The following MAPK14 variants were observed in gnomAD, a reference collection of about 807,000 sequenced individuals.
MAPK14 encodes the protein mitogen-activated protein kinase 14.
Under a neutral mutation model 49.6 loss-of-function variants are expected in MAPK14, and 16 were observed. The ratio of observed to expected loss-of-function variants is 0.32; its 90% CI spans 0.22 to 0.49. The LOEUF (loss-of-function observed/expected upper bound fraction) is 0.49. MAPK14 is among the 20% of genes least tolerant of loss of function. The probability of loss-of-function intolerance (pLI) is 0.99; values close to 1 mark genes in which losing one functional copy is unlikely to be tolerated. For synonymous variants in MAPK14, 142 were observed against 158.0 expected, an observed-to-expected ratio of 0.90 and a Z score of 0.76; for missense variants, 200 against 441.2, an observed-to-expected ratio of 0.45 and a Z score of 4.90.
intron 8 of MAPK14, among the ~76,000 whole-genome samples, chr6:36,079,999 AGT>A (rs1764688617): frequency 6.6e-6 from 1 of 151,802 alleles, no homozygotes; most frequent in African/African-American, 2.4e-5. Flanking sequence ...GCTGGAGTGC[AGT>A]GGCATGATCT....
intron 8 of MAPK14, among the ~76,000 whole-genome samples, chr6:36,090,438 A>G (rs1765175148): frequency 6.7e-6 from 1 of 149,086 alleles, no homozygotes; most frequent in African/African-American, 2.5e-5. Flanking sequence ...AGAACTCCAG[A>G]CCTCAAGTGA....
intron 8 of MAPK14, among the ~76,000 whole-genome samples, chr6:36,082,521 T>A (rs2127452730): frequency 6.6e-6 from 1 of 152,366 alleles, no homozygotes; most frequent in Non-Finnish European, 1.5e-5. Flanking sequence ...TGCCAGCATC[T>A]GTTTCTGGTC....
chr6:36,040,207 G>A (rs1035953239), intron 1 of MAPK14, among the ~76,000 whole-genome samples: 4 of 152,060 alleles, frequency 2.6e-5, no homozygotes, highest in African/African-American at 9.7e-5. Flanking sequence ...ACTGACCTGT[G>A]CAGTGTAGTA....
intron 1 of MAPK14, among the ~76,000 whole-genome samples, chr6:36,049,501 T>A (rs1485848389): frequency 6.6e-6 from 1 of 152,210 alleles, no homozygotes; most frequent in Non-Finnish European, 1.5e-5. Context: ...ATACAGATTA[T>A]TAGACCCACT....
intron 2 of MAPK14, 26 bp from the exon 3 acceptor site, chr6:36,059,262 CT>C: frequency 6.9e-7 from 1 of 1,455,350 alleles, no homozygotes; most frequent in Non-Finnish European, 9.6e-7. Flanking sequence ...TATTTATTTA[CT>C]TTTTAATTTT....
intron 2 of MAPK14, among the ~76,000 whole-genome samples, chr6:36,054,744 C>G (rs1763529571): frequency 6.6e-6 from 1 of 152,130 alleles, no homozygotes; most frequent in Non-Finnish European, 1.5e-5. Flanking sequence ...ACCAAAACTT[C>G]CGGTAAGTTT....
chr6:36,105,565 A>G (rs913782014), intron 10 of MAPK14, among the ~76,000 whole-genome samples: 5 of 152,224 alleles, frequency 3.3e-5, no homozygotes, highest in African/African-American at 1.2e-4. Context: ...AGAGAAGACC[A>G]TCAGAAGAAT....
chr6:36,097,428 CT>C (rs1424807875), intron 9 of MAPK14: 6 of 152,006 alleles, frequency 3.9e-5, no homozygotes, highest in African/African-American at 1.5e-4. Flanking sequence ...TATGTAGAAG[CT>C]GAATTAGAGT....
chr6:36,124,212 C>T, the MAPK14 span, among the ~76,000 whole-genome samples: 2 of 138,916 alleles, frequency 1.4e-5, no homozygotes, highest in Non-Finnish European at 3.1e-5. Context: ...TGCAGTTTCA[C>T]TCTTGTTGCC....
chr6:36,057,712 CT>C (rs1355367456), intron 2 of MAPK14, among the ~76,000 whole-genome samples: 4 of 151,436 alleles, frequency 2.6e-5, no homozygotes. Context: ...GAGCGAAACT[CT>C]GTCTCAAAGA....
chr6:36,108,418 C>T lies in MAPK14; in HGVS notation c.1054C>T (p.Pro352Ser). The T allele has an allele frequency of 6.2e-7, 1 of 1,614,040 alleles. No homozygotes were observed. The change falls in exon 12 of 12, where the codon CCC becomes TCC. Residue 352 changes from proline (P) to serine (S), a missense_variant. Coordinates refer to ENST00000229794, the MANE Select transcript of MAPK14 (RefSeq NM_139012.3). ...YDEVISFVPP[P>S]LDQEEMES ...TGAAGTCATCAGCTTTGTGCCACCA[C>T]CCCTTGACCAAGAAGAGATGGAGTC... is the stretch of plus-strand genomic sequence containing the variant.
chr6:36,038,324 A>G (rs1366567637), intron 1 of MAPK14, among the ~76,000 whole-genome samples: 1 of 152,198 alleles, frequency 6.6e-6, no homozygotes, highest in Non-Finnish European at 1.5e-5. Context: ...GCTCCAGGAA[A>G]TAGCTAAGAG....
intron 4 of MAPK14, 146 bp from the exon 5 acceptor site, chr6:36,073,545 A>G: frequency 3.1e-6 from 2 of 638,446 alleles, no homozygotes; most frequent in Non-Finnish European, 5.4e-6. Flanking sequence ...GTAAATGTAC[A>G]CAATACTGAT....
chr6:36,095,581 T>C (rs370395030), intron 8 of MAPK14, among the ~76,000 whole-genome samples: 2 of 152,286 alleles, frequency 1.3e-5, no homozygotes, highest in South Asian at 2.1e-4. Flanking sequence ...GCCCTCTAAT[T>C]ATCAGTGCAC....
At chr6:36,037,441 A>G (rs1762796047) in intron 1 of MAPK14, among the ~76,000 whole-genome samples, 1 of 152,172 alleles carries the variant, frequency 6.6e-6, no homozygotes, top group Non-Finnish European at 1.5e-5. Context: ...TGAGGAGTCT[A>G]GGATTTCTAA....
intron 8 of MAPK14, among the ~76,000 whole-genome samples, chr6:36,079,524 A>T (rs1764664592): frequency 6.6e-6 from 1 of 152,142 alleles, no homozygotes; most frequent in African/African-American, 2.4e-5. Context: ...AAAATCTCGT[A>T]ATGTTTTCAG....
the MAPK14 span, among the ~76,000 whole-genome samples, chr6:36,118,871 C>T: frequency 6.6e-6 from 1 of 152,080 alleles, no homozygotes; most frequent in Non-Finnish European, 1.5e-5. Flanking sequence ...GGAAACAGCC[C>T]CCACCCAACC....
intron 9 of MAPK14, chr6:36,100,360 G>GGAT: frequency 1.0e-6 from 1 of 952,492 alleles, no homozygotes; most frequent in South Asian, 1.3e-5. Flanking sequence ...TAACATCACT[G>GGAT]GATGCTTGCA....
intron 10 of MAPK14, among the ~76,000 whole-genome samples, chr6:36,104,088 TAGC>T (rs1239309360): frequency 2.0e-5 from 3 of 152,204 alleles, no homozygotes; most frequent in African/African-American, 7.2e-5. Context: ...ATTCTTATAA[TAGC>T]AGAGATACTC....
Sources: allele counts gnomAD v4.1 joint callset (sites outside exome capture counted in the v4.1 genomes callset), GRCh38; gene constraint gnomAD v4.1.1; transcripts MANE v1.5; gene names NCBI Gene and HGNC (gene_info 2026-07-23, HGNC 2026-07-21).